Variants in LOXL2 observed in about 807,000 individuals in gnomAD.
LOXL2 encodes the protein lysyl oxidase homolog 2.
In LOXL2, 70 loss-of-function variants were observed where a neutral mutation model predicts 93.0. That is an observed-to-expected ratio of 0.75 (90% confidence interval 0.62 to 0.92). LOXL2 has a LOEUF of 0.92. Ranked by LOEUF, LOXL2 falls within the 40% of genes least tolerant of loss-of-function variation. LOXL2 has a pLI of 0.00. For missense variants in LOXL2, 973 were observed against 1,054.9 expected, an observed-to-expected ratio of 0.92 and a Z score of 1.08; for synonymous variants, 438 against 413.2, an observed-to-expected ratio of 1.06 and a Z score of -0.73.
At chr8:23,350,379 G>C (rs1327060993) in intron 3 of LOXL2, among the ~76,000 whole-genome samples, 1 of 152,160 alleles carries the variant, frequency 6.6e-6, no homozygotes. Flanking sequence ...AGGAGTTTGA[G>C]ACCAGCCTGG....
chr8:23,300,817 A>G (rs1460625548), intron 12 of LOXL2, among the ~76,000 whole-genome samples: 1 of 152,244 alleles, frequency 6.6e-6, no homozygotes, highest in Non-Finnish European at 1.5e-5. Flanking sequence ...TGGCCAGAAT[A>G]CAGGGAGATA....
intron 1 of LOXL2, among the ~76,000 whole-genome samples, chr8:23,372,616 C>T (rs566927867): frequency 5.3e-5 from 8 of 152,266 alleles, no homozygotes; most frequent in African/African-American, 1.7e-4. Flanking sequence ...GAAACTTGTA[C>T]GATCAAGCTG....
At position 23,360,083 on chromosome 8, in the gene LOXL2, G is replaced by A. The variant is rs1423071672; in HGVS notation, c.531+7C>T. 2 of 1,594,418 alleles carry A rather than the reference G, an allele frequency of 1.3e-6. No individual in the cohort carries two copies. Among genetic ancestry groups the A allele is most frequent in the East Asian group, 2.3e-5 (1 of 44,346 alleles). On this transcript the variant is annotated splice_region_variant and intron_variant, in intron 3 of 13. Transcript: ENST00000389131. The stretch of plus-strand genomic sequence containing the variant: ...CATGAAGGAAACATCAAGAGCACAT[G>A]ACTTGCCTCTATCTGGTTGATCAAC...
intron 1 of LOXL2, among the ~76,000 whole-genome samples, chr8:23,397,960 CAA>C (rs11295140): frequency 8.1e-4 from 74 of 90,982 alleles, no homozygotes; most frequent in East Asian, 1.8e-3. Context: ...GACTCTGTCT[CAA>C]AAAAAAAAAA....
intron 6 of LOXL2, 94 bp downstream of exon 6, chr8:23,328,288 G>T: frequency 7.4e-7 from 1 of 1,350,574 alleles, no homozygotes; most frequent in Non-Finnish European, 1.0e-6. Context: ...GGGAAAGTGA[G>T]GATTTCCCGA....
At chr8:23,345,979 A>G (rs2117187268) in intron 3 of LOXL2, among the ~76,000 whole-genome samples, 1 of 152,060 alleles carries the variant, frequency 6.6e-6, no homozygotes, top group Admixed American at 6.5e-5. Context: ...GAGGCAGGAT[A>G]ATGGTGTGAA....
At position 23,328,561 on chromosome 8, in the gene LOXL2, G is replaced by T. The variant is rs1027438488; in HGVS notation, c.971C>A (p.Pro324His). ...GGCACCGCCTCTCAGTCGCACCAGGGGTTGCTGAAGAGACACACGGTCCTG... is the reference window on the plus strand; with the variant it reads ...GGCACCGCCTCTCAGTCGCACCAGGTGTTGCTGAAGAGACACACGGTCCTG... ...RFRKAYKPEQ[P>H]LVRLRGGAYI... is the part of the protein sequence containing the mutation. Residue 324 changes from proline to histidine, a missense_variant, in exon 6 of 14, where the codon CCC (proline) becomes CAC (histidine). Transcript: ENST00000389131. The T allele has an allele frequency of 5.6e-6, 9 of 1,613,768 alleles. No homozygotes were observed. Among genetic ancestry groups the T allele is most frequent in the African/African-American group, 1.3e-5 (1 of 75,028 alleles).
chr8:23,368,567 C>T (rs751438895), intron 1 of LOXL2, 133 bp from the exon 2 acceptor site: 6 of 588,984 alleles, frequency 1.0e-5, no homozygotes, highest in Non-Finnish European at 1.8e-5. Context: ...AGCCCCACTC[C>T]TACATTTCCA....
chr8:23,344,439 G>A (rs368069049), intron 3 of LOXL2, among the ~76,000 whole-genome samples: 2 of 151,988 alleles, frequency 1.3e-5, no homozygotes, highest in African/African-American at 2.4e-5. Flanking sequence ...GTGTGTGCTT[G>A]ATGGTCTGTG....
chr8:23,305,766 GAA>G (rs972632354), intron 10 of LOXL2, among the ~76,000 whole-genome samples: 3 of 152,060 alleles, frequency 2.0e-5, no homozygotes, highest in Non-Finnish European at 4.4e-5. Context: ...CTGGACAAAA[GAA>G]GACACAGCCT....
intron 9 of LOXL2, among the ~76,000 whole-genome samples, chr8:23,312,328 TGG>T (rs1803331555): frequency 2.9e-5 from 4 of 138,044 alleles, no homozygotes; most frequent in African/African-American, 8.6e-5. Context: ...ATACCAAAGC[TGG>T]GCAGAGACAC....
intron 3 of LOXL2, chr8:23,341,469 C>T: frequency 1.9e-6 from 1 of 525,052 alleles, no homozygotes; most frequent in East Asian, 3.4e-5. Context: ...GACTCAGAGA[C>T]CCCATGGGCT....
Position 23,372,142 on chromosome 8 carries a change from A to C in LOXL2, c.-83-3708T>G, listed in dbSNP as rs977152264. ...TCCAATATATCAGTAATTACATTAG[A>C]TAAAATAAATACTCCAATTAAAAGA... On this transcript the variant is annotated intron_variant, in intron 1 of 13. Transcript: ENST00000389131. 4.6e-5 allele frequency among the ~76,000 whole-genome samples: 7 copies of C among 152,234 alleles called. No homozygotes were observed. The South Asian group carries it at 6.2e-4, about 13-fold the overall frequency.
chr8:23,332,891 C>A (rs1425217707), intron 5 of LOXL2, among the ~76,000 whole-genome samples: 1 of 144,210 alleles, frequency 6.9e-6, no homozygotes, highest in African/African-American at 2.6e-5. Context: ...CATACACACA[C>A]CCCCATACAC....
At chr8:23,328,649 G>T in intron 5 of LOXL2, 84 bp from the exon 6 acceptor site, 1 of 1,350,374 alleles carries the variant, frequency 7.4e-7, no homozygotes, top group Non-Finnish European at 1.0e-6. Context: ...TCCCTTCCCT[G>T]CCACCCTGTT....
intron 4 of LOXL2, among the ~76,000 whole-genome samples, chr8:23,334,648 A>C (rs1803760594): frequency 6.6e-6 from 1 of 151,730 alleles, no homozygotes; most frequent in Admixed American, 6.6e-5. Context: ...GTTTTTTTTT[A>C]AAGGCAGAAT....
chr8:23,343,469 G>T (rs912887269), intron 3 of LOXL2, among the ~76,000 whole-genome samples: 2 of 152,162 alleles, frequency 1.3e-5, no homozygotes, highest in South Asian at 4.1e-4. Context: ...GGTCCAAGCC[G>T]GGCTGGAAGG....
intron 1 of LOXL2, among the ~76,000 whole-genome samples, chr8:23,376,108 G>T (rs548116045): frequency 2.0e-5 from 3 of 150,282 alleles, no homozygotes; most frequent in Admixed American, 6.6e-5. Context: ...TTTAAGATAC[G>T]TCTAATCGAT....
chr8:23,301,968 G>A (rs2117138272), intron 12 of LOXL2, 59 bp downstream of exon 12: 4 of 1,601,868 alleles, frequency 2.5e-6, no homozygotes, highest in Admixed American at 3.3e-5. Flanking sequence ...GAAGGAGCCT[G>A]TGGAGGTGGC....
Sources: allele counts gnomAD v4.1 joint callset (sites outside exome capture counted in the v4.1 genomes callset), GRCh38; gene constraint gnomAD v4.1.1; transcripts MANE v1.5; gene names NCBI Gene and HGNC (gene_info 2026-07-23, HGNC 2026-07-21).